MAP7: variants seen among roughly 807,000 people sequenced by gnomAD.
MAP7 encodes ensconsin.
MAP7 carries 52 observed loss-of-function variants against 94.8 expected under a neutral mutation model. The observed-to-expected ratio is 0.55, with a 90% CI of 0.44 to 0.69. The LOEUF (loss-of-function observed/expected upper bound fraction) is 0.69. Ranked by LOEUF, MAP7 falls within the 30% of genes least tolerant of loss-of-function variation. The pLI, the probability that MAP7 is intolerant of heterozygous loss-of-function variation, is 0.00. For synonymous variants in MAP7, 350 were observed against 357.0 expected (o/e 0.98, Z 0.22); for missense variants, 940 against 964.6 (o/e 0.97, Z 0.34).
intron 3 of MAP7, among the ~76,000 whole-genome samples, chr6:136,392,743 C>T (rs1781157014): frequency 2.6e-5 from 4 of 152,126 alleles, no homozygotes; most frequent in Admixed American, 2.6e-4. Flanking sequence ...TACCCACCAA[C>T]AGTGTATGAT....
chr6:136,372,543 T>C lies in MAP7; in HGVS notation c.834A>G (p.Pro278=). 1 of 1,614,078 alleles carries C rather than the reference T, an allele frequency of 6.2e-7. No individual in the cohort carries two copies. The highest frequency in any genetic ancestry group is 1.1e-5 in the South Asian group (1 of 91,072). Residue 278 remains proline, a synonymous_variant, in exon 8 of 18, where the codon CCA becomes CCG. Transcript: ENST00000354570. ...SMDRPKLFVT[P]PEGSSRRRII... Reference sequence around the variant, plus strand: ...TCCTCCTGCGAGAAGAGCCCTCAGGTGGTGTTACAAAGAGTTTTGGTCGAT... The same window carrying C: ...TCCTCCTGCGAGAAGAGCCCTCAGGCGGTGTTACAAAGAGTTTTGGTCGAT...
chr6:136,526,723 C>G lies in MAP7; in HGVS notation c.67+23619G>C, dbSNP rs905341798. 1.4e-5 allele frequency: 14 copies of G among 977,040 alleles called. No homozygotes were observed. The African/African-American group carries it at 2.4e-4, about 17-fold the overall frequency. 60.5% of individuals were successfully genotyped at this position (977,040 alleles called of 1,614,324 possible). A position where few individuals can be genotyped will look rare whatever the true frequency, so the allele number is the denominator to read the frequency against. ...GACTCCTCAGTATGGAGACAGAAGC[C>G]TGAGGAAGAAAGGCTTTTTCTTCTT... On this transcript the variant is annotated intron_variant, in intron 1 of 17. Transcript: ENST00000354570.
intron 1 of MAP7, among the ~76,000 whole-genome samples, chr6:136,491,349 A>T (rs765533612): frequency 2.0e-5 from 3 of 152,208 alleles, no homozygotes; most frequent in Non-Finnish European, 4.4e-5. Context: ...TTTAAGTGCC[A>T]GGATGAGCTG....
intron 1 of MAP7, among the ~76,000 whole-genome samples, chr6:136,510,061 G>A (rs1021844472): frequency 1.3e-5 from 2 of 152,170 alleles, no homozygotes; most frequent in African/African-American, 4.8e-5. Context: ...AATTAGCTAG[G>A]TGTGGTGGCG....
At chr6:136,539,217 T>G (rs1225710446) in intron 1 of MAP7, among the ~76,000 whole-genome samples, 1 of 152,188 alleles carries the variant, frequency 6.6e-6, no homozygotes, top group Non-Finnish European at 1.5e-5. Context: ...TATCAACTAA[T>G]TTAATCCCTG....
intron 6 of MAP7, 47 bp downstream of exon 6, chr6:136,383,624 G>C (rs773983845): frequency 4.9e-6 from 5 of 1,023,228 alleles, no homozygotes; most frequent in Middle Eastern, 2.1e-4. Context: ...AGAAAAAAAA[G>C]CATTAAGTAA....
At chr6:136,356,009 A>G (rs1449766072) in intron 16 of MAP7, among the ~76,000 whole-genome samples, 4 of 152,236 alleles carry the variant, frequency 2.6e-5, no homozygotes, top group African/African-American at 9.6e-5. Flanking sequence ...ATAATATAAG[A>G]AATACTGACA....
At chr6:136,432,375 G>A (rs934696990) in intron 1 of MAP7, among the ~76,000 whole-genome samples, 5 of 152,102 alleles carry the variant, frequency 3.3e-5, no homozygotes, top group Admixed American at 6.5e-5. Context: ...GTCCTGGTTC[G>A]TTATATTAAA....
chr6:136,417,153 T>G (rs112699153), intron 2 of MAP7, among the ~76,000 whole-genome samples: 1 of 152,154 alleles, frequency 6.6e-6, no homozygotes, highest in Non-Finnish European at 1.5e-5. Context: ...TCCACATTGT[T>G]TCCCAATGGA....
rs1236042697 is a variant in MAP7 at position 136,389,418 on chromosome 6, T to C, written c.344A>G (p.Gln115Arg). ...ERKKRLEEQR[Q>R]KEERRRAAVE... is the part of the protein sequence containing the mutation. ...AGCAGCCCTCCTCCGCTCCTCCTTC[T>C]GCCTCTGCTCCTCCAACCTCTTCTT... The change falls in exon 4 of 18, where the codon CAG becomes CGG. Residue 115 changes from glutamine (Q) to arginine (R), a missense_variant. Transcript: ENST00000354570. 1.3e-6 allele frequency: 2 copies of C among 1,596,150 alleles called. 1 individual carries two copies. The highest frequency in any genetic ancestry group is 2.3e-5 in the South Asian group (2 of 88,500).
intron 1 of MAP7, among the ~76,000 whole-genome samples, chr6:136,523,706 T>A (rs1326519346): frequency 6.6e-6 from 1 of 152,084 alleles, no homozygotes; most frequent in Non-Finnish European, 1.5e-5. Context: ...CTCCCAGTAT[T>A]CCTCCAATAC....
intron 1 of MAP7, among the ~76,000 whole-genome samples, chr6:136,460,956 C>G (rs1227677811): frequency 6.6e-6 from 1 of 152,104 alleles, no homozygotes; most frequent in Non-Finnish European, 1.5e-5. Context: ...AACAGGACTT[C>G]AATCAACTCA....
intron 1 of MAP7, among the ~76,000 whole-genome samples, chr6:136,435,075 C>G (rs1344464302): frequency 6.6e-6 from 1 of 152,236 alleles, no homozygotes; most frequent in Non-Finnish European, 1.5e-5. Context: ...AGGCTCTTTT[C>G]TTCTAAATAC....
intron 1 of MAP7, among the ~76,000 whole-genome samples, chr6:136,532,352 T>G (rs1445965563): frequency 6.6e-6 from 1 of 152,076 alleles, no homozygotes; most frequent in Non-Finnish European, 1.5e-5. Flanking sequence ...GGACTTACCA[T>G]AAATATTCTA....
At chr6:136,483,811 T>C (rs1562451247) in intron 1 of MAP7, among the ~76,000 whole-genome samples, 1 of 152,202 alleles carries the variant, frequency 6.6e-6, no homozygotes, top group Admixed American at 6.5e-5. Flanking sequence ...TCAGAGGAAA[T>C]AGGAAAATGG....
chr6:136,366,586 A>C, intron 8 of MAP7, 147 bp from the exon 9 acceptor site: 1 of 625,244 alleles, frequency 1.6e-6, no homozygotes, highest in South Asian at 1.9e-5. Flanking sequence ...TCTCAACAAA[A>C]GGCCCTTGTT....
intron 1 of MAP7, among the ~76,000 whole-genome samples, chr6:136,540,438 A>AAAAG (rs3839517): frequency 0.26 from 38,899 of 151,826 alleles, 6,143 homozygotes; most frequent in African/African-American, 0.44. Flanking sequence ...AAGTCAAAAC[A>AAAAG]AAAGCTGAAT....
intron 1 of MAP7, among the ~76,000 whole-genome samples, chr6:136,430,561 T>G (rs376412674): frequency 1.3e-5 from 2 of 152,232 alleles, no homozygotes; most frequent in East Asian, 1.9e-4. Flanking sequence ...TCATCTCTCC[T>G]CTGTAGAAAA....
chr6:136,466,687 G>A, intron 1 of MAP7: 1 of 1,424,138 alleles, frequency 7.0e-7, no homozygotes, highest in Non-Finnish European at 9.5e-7. Context: ...TTGTCAAAAT[G>A]GATTTAAAGA....
Sources: gnomAD v4.1 joint callset for allele counts (sites outside exome capture counted in the v4.1 genomes callset) on GRCh38, gnomAD v4.1.1 for gene constraint, MANE v1.5 for transcripts, NCBI Gene and HGNC (gene_info 2026-07-23, HGNC 2026-07-21) for gene names.